GALNT13: variants seen among roughly 807,000 people sequenced by gnomAD.
GALNT13 encodes UDP-GalNAc:polypeptide N-acetylgalactosaminyltransferase 13.
A neutral mutation model predicts 64.2 loss-of-function variants in GALNT13; 28 were observed. The observed-to-expected ratio is 0.44, with a 90% CI of 0.32 to 0.60. The LOEUF (loss-of-function observed/expected upper bound fraction) is 0.60. Ranked by LOEUF, GALNT13 falls within the 20% of genes least tolerant of loss-of-function variation. The probability of loss-of-function intolerance (pLI) is 0.05; values close to 1 mark genes in which losing one functional copy is unlikely to be tolerated. For missense variants in GALNT13, 577 were observed against 669.8 expected (o/e 0.86, Z 1.53); for synonymous variants, 214 against 224.6 (o/e 0.95, Z 0.42).
the GALNT13 span, among the ~76,000 whole-genome samples, chr2:153,837,340 G>A: frequency 1.3e-4 from 19 of 151,918 alleles, no homozygotes; most frequent in African/African-American, 4.3e-4. Flanking sequence ...CCTTTGCCCA[G>A]TTTTTGATGG....
At position 154,110,318 on chromosome 2, in the gene GALNT13, T is replaced by G. The variant is rs867391675; in HGVS notation, c.143-30019T>G. ...ATATATATATATATATATATATATA[T>G]ATATATATATATATATATAGAGAGA... On this transcript the variant is annotated intron_variant, in intron 3 of 12. Coordinates refer to ENST00000392825, the MANE Select transcript of GALNT13 (RefSeq NM_052917.4). 6.9e-4 allele frequency among the ~76,000 whole-genome samples: 26 copies of G among 37,928 alleles called. 2 individuals carry two copies. The highest frequency in any genetic ancestry group is 2.0e-3 in the African/African-American group (16 of 7,932). The allele number at this position is 37,928 out of a possible 152,430, so 24.9% of individuals were successfully genotyped here. A position where few individuals can be genotyped will look rare whatever the true frequency, so the allele number is the denominator to read the frequency against.
chr2:153,471,082 T>A, the GALNT13 span, among the ~76,000 whole-genome samples: 1 of 152,110 alleles, frequency 6.6e-6, no homozygotes, highest in South Asian at 2.1e-4. Flanking sequence ...ATTGTTTGAG[T>A]ATTTCAGGCC....
At chr2:153,739,618 TTTA>T in the GALNT13 span, among the ~76,000 whole-genome samples, 409 of 97,724 alleles carry the variant, frequency 4.2e-3, 1 homozygote, top group African/African-American at 0.011. Flanking sequence ...AAAATGAGAT[TTTA>T]TTTATTATTT....
chr2:154,016,773 A>C (rs533758494), intron 3 of GALNT13, among the ~76,000 whole-genome samples: 1 of 152,370 alleles, frequency 6.6e-6, no homozygotes, highest in African/African-American at 2.4e-5. Flanking sequence ...TATATAAAAC[A>C]ACTAGAAAAC....
the GALNT13 span, among the ~76,000 whole-genome samples, chr2:153,150,197 G>T: frequency 6.6e-6 from 1 of 151,988 alleles, no homozygotes; most frequent in African/African-American, 2.4e-5. Flanking sequence ...CACCTTTGAT[G>T]TCAGGGATAG....
chr2:153,258,210 G>C, the GALNT13 span, among the ~76,000 whole-genome samples: 1 of 152,110 alleles, frequency 6.6e-6, no homozygotes, highest in East Asian at 1.9e-4. Context: ...ACAAAATATA[G>C]TAATACTAAA....
At chr2:154,381,996 C>T (rs1486111900) in intron 9 of GALNT13, among the ~76,000 whole-genome samples, 1 of 152,048 alleles carries the variant, frequency 6.6e-6, no homozygotes, top group African/African-American at 2.4e-5. Flanking sequence ...ACTCCTGATG[C>T]TCTTCAGAGT....
At chr2:154,388,691 CTTA>C (rs144293063) in intron 9 of GALNT13, among the ~76,000 whole-genome samples, 61,872 of 151,470 alleles carry the variant, frequency 0.41, 13,151 homozygotes, top group African/African-American at 0.53. Flanking sequence ...TTAACAATGG[CTTA>C]TTATTATATT....
chr2:153,186,305 A>G, the GALNT13 span, among the ~76,000 whole-genome samples: 40 of 152,006 alleles, frequency 2.6e-4, no homozygotes, highest in African/African-American at 9.6e-4. Context: ...CCATTTGCTT[A>G]GTAATTTTTC....
At chr2:154,152,836 AT>A (rs1442548955) in intron 4 of GALNT13, among the ~76,000 whole-genome samples, 3 of 151,752 alleles carry the variant, frequency 2.0e-5, no homozygotes, top group Non-Finnish European at 4.4e-5. Flanking sequence ...ATTTGTCTAA[AT>A]TTTTTTCAAA....
At chr2:154,305,362 C>A (rs1246647803) in intron 9 of GALNT13, among the ~76,000 whole-genome samples, 1 of 151,702 alleles carries the variant, frequency 6.6e-6, no homozygotes, top group Non-Finnish European at 1.5e-5. Flanking sequence ...AGAACTATAT[C>A]CTTTACTATA....
intron 3 of GALNT13, among the ~76,000 whole-genome samples, chr2:154,048,078 A>T (rs887688255): frequency 1.3e-4 from 20 of 152,230 alleles, no homozygotes; most frequent in African/African-American, 4.3e-4. Flanking sequence ...AGGCCTCAGG[A>T]AAGTTTTAAC....
chr2:154,450,270 G>A (rs2105508025), intron 12 of GALNT13, 141 bp from the exon 13 acceptor site: 1 of 623,232 alleles, frequency 1.6e-6, no homozygotes, highest in East Asian at 2.9e-5. Flanking sequence ...GGACACCTGT[G>A]CACAGTTCCT....
At chr2:154,087,901 A>G (rs1324981894) in intron 3 of GALNT13, among the ~76,000 whole-genome samples, 1 of 152,158 alleles carries the variant, frequency 6.6e-6, no homozygotes, top group African/African-American at 2.4e-5. Flanking sequence ...GCCAGAAAAC[A>G]AATGTATTTT....
the GALNT13 span, among the ~76,000 whole-genome samples, chr2:153,493,140 A>T: frequency 1.3e-5 from 2 of 152,214 alleles, no homozygotes; most frequent in South Asian, 4.1e-4. Flanking sequence ...AGCAAAGTAA[A>T]TAGAAGACGG....
the GALNT13 span, among the ~76,000 whole-genome samples, chr2:153,511,789 A>G: frequency 6.6e-6 from 1 of 152,218 alleles, no homozygotes; most frequent in Non-Finnish European, 1.5e-5. Flanking sequence ...AAGTATTTAT[A>G]TTGATAAACC....
intron 9 of GALNT13, among the ~76,000 whole-genome samples, chr2:154,340,180 C>G (rs1265378845): frequency 6.6e-6 from 1 of 152,060 alleles, no homozygotes; most frequent in Non-Finnish European, 1.5e-5. Flanking sequence ...CTAACTTGGT[C>G]AAAATATGTT....
chr2:154,336,443 G>A (rs1695450493), intron 9 of GALNT13, among the ~76,000 whole-genome samples: 1 of 151,978 alleles, frequency 6.6e-6, no homozygotes. Context: ...GACCACAGGG[G>A]CCAATTTAAA....
the GALNT13 span, among the ~76,000 whole-genome samples, chr2:153,793,654 TAAA>T: frequency 1.1e-4 from 16 of 147,086 alleles, no homozygotes; most frequent in Admixed American, 2.0e-4. Context: ...TATTTTGCTT[TAAA>T]AAAAAAAAAA....
Sources: gnomAD v4.1 joint callset for allele counts (sites outside exome capture counted in the v4.1 genomes callset) on GRCh38, gnomAD v4.1.1 for gene constraint, MANE v1.5 for transcripts, NCBI Gene and HGNC (gene_info 2026-07-23, HGNC 2026-07-21) for gene names.